Variants in TBX18 observed in about 807,000 individuals in gnomAD.
TBX18 encodes the protein T-box transcription factor TBX18.
In TBX18, 21 loss-of-function variants were observed where a neutral mutation model predicts 55.0. The observed-to-expected ratio is 0.38, with a 90% CI of 0.27 to 0.55. The LOEUF is 0.55. Among genes scored for constraint, TBX18 ranks in the 20% least tolerant of loss-of-function variants. The pLI, the probability that TBX18 is intolerant of heterozygous loss-of-function variation, is 0.73. For missense variants in TBX18, 840 were observed against 799.6 expected (o/e 1.05, Z -0.61); for synonymous variants, 342 against 326.1 (o/e 1.05, Z -0.53).
intron 3 of TBX18, 58 bp downstream of exon 3, chr6:84,760,197 C>T (rs1767609897): frequency 8.9e-7 from 1 of 1,125,144 alleles, no homozygotes; most frequent in East Asian, 2.6e-5. Flanking sequence ...CAAACAGGCA[C>T]TAGCCTGCAA....
intron 4 of TBX18, among the ~76,000 whole-genome samples, chr6:84,749,804 C>T (rs1046851937): frequency 6.6e-6 from 1 of 151,776 alleles, no homozygotes; most frequent in Non-Finnish European, 1.5e-5. Context: ...AATAAAAGTA[C>T]AAAATAAAGT....
intron 3 of TBX18, 57 bp from the exon 4 acceptor site, chr6:84,756,926 C>T: frequency 6.7e-7 from 1 of 1,497,880 alleles, no homozygotes; most frequent in South Asian, 1.2e-5. Context: ...ATGTCCAACT[C>T]AGTAGAATCA....
Position 84,733,425 on chromosome 6 carries a change from T to G in TBX18, c.*3260A>C, listed in dbSNP as rs1373353874. ...AAAAAACTTCATGTAGATGAGCCAATAAATTTCTCATGAGGAAATAACACT... is the reference window on the plus strand; with the variant it reads ...AAAAAACTTCATGTAGATGAGCCAAGAAATTTCTCATGAGGAAATAACACT... On this transcript the variant is annotated 3_prime_UTR_variant, in exon 8 of 8. Coordinates refer to ENST00000369663, the MANE Select transcript of TBX18 (RefSeq NM_001080508.3). The G allele has an allele frequency of 6.6e-6, 1 of 152,162 alleles. No homozygotes were observed. Among genetic ancestry groups the G allele is most frequent in the Non-Finnish European group, 1.5e-5 (1 of 68,020 alleles). 9.4% of individuals were successfully genotyped at this position (152,162 alleles called of 1,614,324 possible).
rs530606002 is a variant in TBX18 at position 84,764,208 on chromosome 6, C to G, written c.-27G>C. The G allele has an allele frequency of 2.2e-5, 31 of 1,435,786 alleles. 1 individual carries two copies. The South Asian group carries it at 4.2e-4, about 20-fold the overall frequency. 88.9% of individuals were successfully genotyped at this position (1,435,786 alleles called of 1,614,324 possible). ...CCCCCCGCCCCGCGCCCGCCCGCCC[C>G]TCTCTCATATACACTCACGCGGGCA... On this transcript the variant is annotated 5_prime_UTR_variant, in exon 1 of 8. Coordinates refer to ENST00000369663, the MANE Select transcript of TBX18 (RefSeq NM_001080508.3).
intron 4 of TBX18, among the ~76,000 whole-genome samples, chr6:84,749,478 T>A (rs962875487): frequency 1.0e-5 from 1 of 99,448 alleles, no homozygotes; most frequent in Admixed American, 1.1e-4. Flanking sequence ...TGGCTAAGAT[T>A]TTTTTTTTCT....
chr6:84,756,288 G>A (rs1767484552), intron 4 of TBX18, among the ~76,000 whole-genome samples: 1 of 152,200 alleles, frequency 6.6e-6, no homozygotes, highest in Non-Finnish European at 1.5e-5. Context: ...CATAAGCCTA[G>A]ACAATTACTG....
At chr6:84,757,283 G>T (rs1360976272) in intron 3 of TBX18, among the ~76,000 whole-genome samples, 4 of 152,082 alleles carry the variant, frequency 2.6e-5, no homozygotes, top group Admixed American at 1.3e-4. Flanking sequence ...ATTTTAAAAT[G>T]CCCCGCTTCC....
At chr6:84,742,380 A>C (rs953974866) in intron 6 of TBX18, 5 of 152,152 alleles carry the variant, frequency 3.3e-5, no homozygotes, top group African/African-American at 9.6e-5. Flanking sequence ...TCGCCATATC[A>C]AACAATATAG....
At position 84,733,443 on chromosome 6, in the gene TBX18, A is replaced by G. The variant is rs952195056; in HGVS notation, c.*3242T>C. The G allele has an allele frequency of 6.6e-6, 1 of 152,224 alleles. No individual in the cohort carries two copies. The highest frequency in any genetic ancestry group is 1.5e-5 in the Non-Finnish European group (1 of 68,034). The allele number at this position is 152,224 out of a possible 1,614,324, so 9.4% of individuals were successfully genotyped here. ...GAGCCAATAAATTTCTCATGAGGAA[A>G]TAACACTGTGTTACACTTTGCAACA... On this transcript the variant is annotated 3_prime_UTR_variant, in exon 8 of 8. Coordinates refer to ENST00000369663, the MANE Select transcript of TBX18 (RefSeq NM_001080508.3).
intron 4 of TBX18, among the ~76,000 whole-genome samples, chr6:84,751,472 G>A (rs1184122125): frequency 6.6e-6 from 1 of 152,150 alleles, no homozygotes; most frequent in African/African-American, 2.4e-5. Context: ...TATGTATTCA[G>A]TATTATCTAT....
At chr6:84,751,702 T>A (rs1249423804) in intron 4 of TBX18, among the ~76,000 whole-genome samples, 3 of 152,178 alleles carry the variant, frequency 2.0e-5, no homozygotes, top group Non-Finnish European at 4.4e-5. Context: ...TTGCACAGAT[T>A]TGGCAGAGTA....
chr6:84,744,558 T>C (rs1166831937), intron 5 of TBX18, among the ~76,000 whole-genome samples: 1 of 152,150 alleles, frequency 6.6e-6, no homozygotes, highest in Admixed American at 6.6e-5. Context: ...TCAATCTGCA[T>C]TAATAGATAT....
chr6:84,763,374 G>A lies in TBX18; in HGVS notation c.292+516C>T, dbSNP rs141557714. 1.3e-5 allele frequency: 6 copies of A among 457,528 alleles called. No homozygotes were observed. In the East Asian group the frequency reaches 3.5e-4, roughly 26 times the overall value. The allele number at this position is 457,528 out of a possible 1,614,324, so 28.3% of individuals were successfully genotyped here. Reference sequence around the variant, plus strand: ...GAAAAGCAAGCCCGCGGTCGCCGTCGGCCTTGGCAGAGAAATCAAGAGGAG... The same window carrying A: ...GAAAAGCAAGCCCGCGGTCGCCGTCAGCCTTGGCAGAGAAATCAAGAGGAG... On this transcript the variant is annotated intron_variant, in intron 1 of 7. Transcript: ENST00000369663.
intron 6 of TBX18, among the ~76,000 whole-genome samples, chr6:84,739,866 C>T (rs914507782): frequency 6.6e-6 from 1 of 152,198 alleles, no homozygotes; most frequent in Non-Finnish European, 1.5e-5. Flanking sequence ...AGGCTTCACA[C>T]ACAGAATTTA....
chr6:84,756,610 A>G (rs1257530228), intron 4 of TBX18, 88 bp downstream of exon 4: 4 of 1,263,454 alleles, frequency 3.2e-6, no homozygotes, highest in Non-Finnish European at 4.5e-6. Flanking sequence ...GAACATTATG[A>G]TCTTAGAAGC....
At chr6:84,744,426 A>ATACAATAGAGTC in intron 5 of TBX18, 101 bp from the exon 6 acceptor site, 1 of 940,226 alleles carries the variant, frequency 1.1e-6, no homozygotes, top group Non-Finnish European at 1.6e-6. Flanking sequence ...CTGTTAGAGG[A>ATACAATAGAGTC]CTCTATTGTA....
intron 4 of TBX18, among the ~76,000 whole-genome samples, chr6:84,754,092 T>C (rs1384213469): frequency 6.6e-6 from 1 of 152,126 alleles, no homozygotes; most frequent in Non-Finnish European, 1.5e-5. Context: ...CACGCCTGGC[T>C]AATTTTTGTA....
At chr6:84,757,881 A>G (rs79911382) in intron 3 of TBX18, among the ~76,000 whole-genome samples, 1,675 of 152,246 alleles carry the variant, frequency 0.011, 32 homozygotes, top group African/African-American at 0.037. Context: ...GTGTGTTAAG[A>G]TTAGCATACA....
Position 84,758,164 on chromosome 6 carries a change from T to C in TBX18, c.600-1295A>G, listed in dbSNP as rs1163790471. On this transcript the variant is annotated intron_variant, in intron 3 of 7. Coordinates refer to ENST00000369663, the MANE Select transcript of TBX18 (RefSeq NM_001080508.3). Reference sequence around the variant, plus strand: ...GGCTCATGTCTATAATCCCAACACTTTGGGAGGCTGAGGTAGGCGGATCAC... The same window carrying C: ...GGCTCATGTCTATAATCCCAACACTCTGGGAGGCTGAGGTAGGCGGATCAC... Among the ~76,000 whole-genome samples, 7 of 152,046 alleles carry C rather than the reference T, an allele frequency of 4.6e-5. No individual in the cohort carries two copies. In the East Asian group the frequency reaches 1.4e-3, roughly 29 times the overall value.
Sources: allele counts gnomAD v4.1 joint callset (sites outside exome capture counted in the v4.1 genomes callset), GRCh38; gene constraint gnomAD v4.1.1; transcripts MANE v1.5; gene names NCBI Gene and HGNC (gene_info 2026-07-23, HGNC 2026-07-21).